The following ROBO2 variants were observed in gnomAD, a reference collection of about 807,000 sequenced individuals.
The protein encoded by ROBO2 is roundabout homolog 2.
A neutral mutation model predicts 160.8 loss-of-function variants in ROBO2; 53 were observed. The observed-to-expected ratio is 0.33, with a 90% confidence interval of 0.26 to 0.41. The LOEUF is 0.41. Among genes scored for constraint, ROBO2 ranks in the 10% least tolerant of loss-of-function variants. The probability of loss-of-function intolerance (pLI) is 1.00; values close to 1 mark genes in which losing one functional copy is unlikely to be tolerated. For synonymous variants in ROBO2, 664 were observed against 611.7 expected, an observed-to-expected ratio of 1.09 and a Z score of -1.26; for missense variants, 1,577 against 1,722.4, an observed-to-expected ratio of 0.92 and a Z score of 1.49.
At chr3:76,683,695 C>CA (rs963651774) in intron 2 of ROBO2, among the ~76,000 whole-genome samples, 4 of 151,800 alleles carry the variant, frequency 2.6e-5, no homozygotes, top group South Asian at 2.1e-4. Flanking sequence ...AATAAGAAAA[C>CA]AAAAAAATTC....
At chr3:76,682,638 C>T (rs531479305) in intron 2 of ROBO2, among the ~76,000 whole-genome samples, 27 of 152,066 alleles carry the variant, frequency 1.8e-4, no homozygotes, top group Non-Finnish European at 2.8e-4. Context: ...GAACTCCTGA[C>T]CTCGTGATCC....
intron 2 of ROBO2, among the ~76,000 whole-genome samples, chr3:76,631,954 C>G (rs890739041): frequency 6.6e-6 from 1 of 152,196 alleles, no homozygotes; most frequent in African/African-American, 2.4e-5. Flanking sequence ...ATTACTTCAG[C>G]AAATACCAAC....
At chr3:76,318,610 T>C (rs1269130449) in intron 2 of ROBO2, among the ~76,000 whole-genome samples, 1 of 152,104 alleles carries the variant, frequency 6.6e-6, no homozygotes. Flanking sequence ...GGTTCATGAA[T>C]GCATAGTTAA....
intron 22 of ROBO2, among the ~76,000 whole-genome samples, chr3:77,620,816 T>C (rs1245350101): frequency 6.6e-6 from 1 of 152,186 alleles, no homozygotes; most frequent in Non-Finnish European, 1.5e-5. Flanking sequence ...AAAAGTAATC[T>C]AATGTCTTTC....
At chr3:76,065,211 C>T (rs2068212426) in intron 2 of ROBO2, among the ~76,000 whole-genome samples, 1 of 151,802 alleles carries the variant, frequency 6.6e-6, no homozygotes, top group Non-Finnish European at 1.5e-5. Context: ...TAGATTTCCT[C>T]CCAAAAATGC....
At chr3:77,474,812 C>T (rs374564148) in intron 2 of ROBO2, among the ~76,000 whole-genome samples, 4 of 151,908 alleles carry the variant, frequency 2.6e-5, no homozygotes, top group Non-Finnish European at 5.9e-5. Flanking sequence ...TTATCGGCTA[C>T]GATAAAGAGC....
intron 2 of ROBO2, among the ~76,000 whole-genome samples, chr3:76,205,295 T>A (rs1393143342): frequency 1.3e-5 from 2 of 152,096 alleles, no homozygotes; most frequent in Non-Finnish European, 2.9e-5. Context: ...TAATTTCAAA[T>A]AAGAGGAGTA....
intron 2 of ROBO2, among the ~76,000 whole-genome samples, chr3:76,479,218 G>C (rs974470041): frequency 6.6e-6 from 1 of 152,164 alleles, no homozygotes; most frequent in African/African-American, 2.4e-5. Context: ...CATGAAGCTT[G>C]ATTTTAGTAG....
intron 2 of ROBO2, among the ~76,000 whole-genome samples, chr3:76,101,405 T>C (rs1167776195): frequency 1.3e-5 from 2 of 152,092 alleles, no homozygotes; most frequent in African/African-American, 4.8e-5. Flanking sequence ...ATAAAAACAT[T>C]GAATTTGCAA....
At chr3:76,287,480 A>C (rs1708563266) in intron 2 of ROBO2, among the ~76,000 whole-genome samples, 1 of 152,166 alleles carries the variant, frequency 6.6e-6, no homozygotes, top group African/African-American at 2.4e-5. Context: ...AAATATTTTT[A>C]GTAGAGACAG....
intron 2 of ROBO2, among the ~76,000 whole-genome samples, chr3:77,156,812 A>C (rs1328026958): frequency 6.6e-6 from 1 of 151,146 alleles, no homozygotes; most frequent in Non-Finnish European, 1.5e-5. Flanking sequence ...TAGAATGTAT[A>C]AAAAATAGAA....
At chr3:76,655,438 C>CAATATATATATATATATATATATATATA (rs1192030281) in intron 2 of ROBO2, among the ~76,000 whole-genome samples, 1 of 15,008 alleles carries the variant, frequency 6.7e-5, no homozygotes, top group African/African-American at 3.2e-4. Flanking sequence ...GGATTTTTTT[C>CAATATATATATATATATATATATATATA]CATATATATA....
In ROBO2 at chr3:77,364,820, T is replaced by C. The variant is rs551119382; in HGVS notation, c.389-112594T>C. ...GATGGGAGAGGAGAATGTGAATCAA[T>C]TGACAACAGATAGATTAATAGGAGA... On this transcript the variant is annotated intron_variant, in intron 2 of 25. Coordinates refer to ENST00000461745, the Ensembl canonical transcript of ROBO2. Among the ~76,000 whole-genome samples the C allele has an allele frequency of 9.9e-5, 15 of 152,272 alleles. No individual in the cohort carries two copies. The South Asian group carries it at 3.1e-3, about 32-fold the overall frequency.
At chr3:77,325,561 T>C (rs905059723) in intron 2 of ROBO2, among the ~76,000 whole-genome samples, 1 of 152,194 alleles carries the variant, frequency 6.6e-6, no homozygotes, top group African/African-American at 2.4e-5. Flanking sequence ...AGGAGGCAAC[T>C]GATGTCAGCA....
chr3:77,555,969 G>T (rs1408365905), intron 8 of ROBO2, among the ~76,000 whole-genome samples: 1 of 151,618 alleles, frequency 6.6e-6, no homozygotes, highest in Non-Finnish European at 1.5e-5. Flanking sequence ...AAAACAGAAA[G>T]AAAAAAACTA....
intron 2 of ROBO2, among the ~76,000 whole-genome samples, chr3:76,998,817 T>G (rs1159965882): frequency 6.6e-6 from 1 of 152,142 alleles, no homozygotes; most frequent in Non-Finnish European, 1.5e-5. Flanking sequence ...TCACACACAC[T>G]GCAGACAGGC....
chr3:76,064,721 A>G (rs990122009), intron 2 of ROBO2, among the ~76,000 whole-genome samples: 5 of 152,170 alleles, frequency 3.3e-5, no homozygotes, highest in Admixed American at 2.0e-4. Flanking sequence ...AATACATACA[A>G]TGTAGAAGCA....
intron 1 of ROBO2, among the ~76,000 whole-genome samples, chr3:75,933,963 AACTACC>A (rs1947657314): frequency 1.3e-5 from 2 of 152,198 alleles, no homozygotes; most frequent in Non-Finnish European, 2.9e-5. Context: ...TCCATCGGAC[AACTACC>A]TGGAGATAGG....
At chr3:76,112,893 G>A (rs2070301564) in intron 2 of ROBO2, among the ~76,000 whole-genome samples, 1 of 152,064 alleles carries the variant, frequency 6.6e-6, no homozygotes, top group East Asian at 1.9e-4. Flanking sequence ...ATTCTAAAAT[G>A]TAAATCAATT....
Sources: allele counts gnomAD v4.1 joint callset (sites outside exome capture counted in the v4.1 genomes callset), GRCh38; gene constraint gnomAD v4.1.1; transcripts MANE v1.5; gene names NCBI Gene and HGNC (gene_info 2026-07-23, HGNC 2026-07-21).